FGGY: variants seen among roughly 807,000 people sequenced by gnomAD.
The protein encoded by FGGY is FGGY carbohydrate kinase domain-containing protein.
In FGGY, 72 loss-of-function variants were observed where a neutral mutation model predicts 71.3. That is an observed-to-expected ratio of 1.01 (90% CI 0.84 to 1.23). FGGY has a LOEUF of 1.23. Among genes scored for constraint, FGGY ranks in the 50% most tolerant of loss-of-function variants. The pLI is 0.00. For missense variants in FGGY, 668 were observed against 682.3 expected (o/e 0.98, Z 0.23); for synonymous variants, 251 against 250.3 (o/e 1.00, Z -0.02).
At chr1:59,444,727 T>C (rs1019713371) in intron 5 of FGGY, among the ~76,000 whole-genome samples, 2 of 152,114 alleles carry the variant, frequency 1.3e-5, no homozygotes, top group African/African-American at 2.4e-5. Context: ...GGGATCTAAG[T>C]TGCACGCTCC....
chr1:59,673,217 G>C (rs923007914), intron 13 of FGGY, among the ~76,000 whole-genome samples: 4 of 152,212 alleles, frequency 2.6e-5, no homozygotes, highest in African/African-American at 9.6e-5. Flanking sequence ...AGCAGTTAAG[G>C]GGGTAAGGAG....
At chr1:59,467,891 TTTTTGTTTTG>T (rs942165054) in intron 6 of FGGY, among the ~76,000 whole-genome samples, 1 of 145,270 alleles carries the variant, frequency 6.9e-6, no homozygotes, top group African/African-American at 2.5e-5. Context: ...TTTCTTGTTT[TTTTTGTTTTG>T]TTTTGTTTTG....
chr1:59,600,795 C>G (rs1033482257), intron 8 of FGGY, among the ~76,000 whole-genome samples: 2 of 152,064 alleles, frequency 1.3e-5, no homozygotes, highest in Non-Finnish European at 2.9e-5. Context: ...CAGAAATATC[C>G]AAGTTTGTCA....
intron 4 of FGGY, among the ~76,000 whole-genome samples, chr1:59,349,576 A>G (rs1213536359): frequency 1.3e-5 from 2 of 152,202 alleles, no homozygotes; most frequent in Non-Finnish European, 2.9e-5. Flanking sequence ...TCTAGATTAC[A>G]TGGCAGTGTT....
At chr1:59,310,950 T>G (rs1371817250) in intron 1 of FGGY, among the ~76,000 whole-genome samples, 1 of 152,216 alleles carries the variant, frequency 6.6e-6, no homozygotes, top group Admixed American at 6.5e-5. Context: ...ATTCCCCTTA[T>G]TACTACATTA....
chr1:59,532,438 A>G lies in FGGY; in HGVS notation c.799+19999A>G, dbSNP rs116509451. Among the ~76,000 whole-genome samples, 485 of 152,278 alleles carry G rather than the reference A, an allele frequency of 3.2e-3. 2 individuals carry two copies. The highest frequency in any genetic ancestry group is 0.011 in the African/African-American group (460 of 41,578). On this transcript the variant is annotated intron_variant, in intron 7 of 15. Coordinates refer to ENST00000303721, the MANE Select transcript of FGGY (RefSeq NM_018291.5). Reference sequence around the variant, plus strand: ...AGAGAAGAGAGATAATAAATCATACATAGAAGCTATATTTGAAGAGATATT... The same window carrying G: ...AGAGAAGAGAGATAATAAATCATACGTAGAAGCTATATTTGAAGAGATATT...
rs188283966 is a variant in FGGY at position 59,738,191 on chromosome 1, C to T, written c.1513-19740C>T. Reference sequence around the variant, plus strand: ...TGAAGAAAACGTTCTCACAGAAACTCCCAGCTGCAAACACAAAGAAGCAGC... The same window carrying T: ...TGAAGAAAACGTTCTCACAGAAACTTCCAGCTGCAAACACAAAGAAGCAGC... On this transcript the variant is annotated intron_variant, in intron 14 of 15. Transcript: ENST00000303721. Among the ~76,000 whole-genome samples the T allele has an allele frequency of 1.8e-3, 267 of 152,278 alleles. 3 individuals are homozygous for T. The highest frequency in any genetic ancestry group is 6.2e-3 in the African/African-American group (259 of 41,558).
intron 8 of FGGY, among the ~76,000 whole-genome samples, chr1:59,599,177 T>G (rs1298995886): frequency 6.6e-6 from 1 of 152,004 alleles, no homozygotes; most frequent in African/African-American, 2.4e-5. Context: ...GATCTTGGCT[T>G]ACTGTAACCT....
At position 59,456,942 on chromosome 1, in the gene FGGY, A is replaced by G. The variant is rs775203588; in HGVS notation, c.555-19A>G. On this transcript the variant is annotated intron_variant, in intron 5 of 15. Transcript: ENST00000303721. ...CACTCATATGGTCAGTTCTATCTAT[A>G]TCTCTTCTATTTTCTTAGGTCTCTC... 1.3e-6 allele frequency: 2 copies of G among 1,574,880 alleles called. No individual in the cohort carries two copies. Among genetic ancestry groups the G allele is most frequent in the Non-Finnish European group, 1.7e-6 (2 of 1,144,472 alleles).
chr1:59,600,779 C>T (rs2096569393), intron 8 of FGGY, among the ~76,000 whole-genome samples: 1 of 151,986 alleles, frequency 6.6e-6, no homozygotes, highest in Admixed American at 6.5e-5. Flanking sequence ...CAGCAAATGA[C>T]CTAACCAGAA....
chr1:59,662,564 G>A (rs190373943), intron 12 of FGGY, among the ~76,000 whole-genome samples: 20 of 152,212 alleles, frequency 1.3e-4, no homozygotes, highest in Middle Eastern at 6.8e-3. Context: ...GCTACATAAC[G>A]TTTTGGTTAA....
intron 7 of FGGY, among the ~76,000 whole-genome samples, chr1:59,553,308 T>G (rs1452760468): frequency 6.6e-6 from 1 of 152,194 alleles, no homozygotes; most frequent in Non-Finnish European, 1.5e-5. Context: ...ACACCTAGTA[T>G]ATATCGTTTT....
intron 14 of FGGY, among the ~76,000 whole-genome samples, chr1:59,686,825 A>G (rs1297546115): frequency 2.0e-5 from 3 of 152,220 alleles, no homozygotes; most frequent in Non-Finnish European, 2.9e-5. Flanking sequence ...ACTCATTTGT[A>G]TAAAAATAAG....
At chr1:59,370,279 G>A (rs2057364933) in intron 4 of FGGY, among the ~76,000 whole-genome samples, 1 of 152,194 alleles carries the variant, frequency 6.6e-6, no homozygotes, top group African/African-American at 2.4e-5. Context: ...AGAAGCCTCA[G>A]GAGACGATGC....
intron 6 of FGGY, among the ~76,000 whole-genome samples, chr1:59,509,527 C>G (rs926014012): frequency 2.6e-5 from 4 of 152,174 alleles, no homozygotes; most frequent in African/African-American, 9.7e-5. Flanking sequence ...ATCTGCCTCC[C>G]CAGCTTCCTC....
At chr1:59,682,151 G>A (rs1011697637) in intron 14 of FGGY, among the ~76,000 whole-genome samples, 4 of 152,108 alleles carry the variant, frequency 2.6e-5, no homozygotes, top group Admixed American at 6.6e-5. Context: ...GAGGAAACAG[G>A]GTTAGAGAGA....
intron 5 of FGGY, among the ~76,000 whole-genome samples, chr1:59,419,705 TA>T (rs1557864114): frequency 1.3e-5 from 2 of 152,190 alleles, no homozygotes; most frequent in African/African-American, 4.8e-5. Context: ...GATGAACTAC[TA>T]ATTGATGATT....
At chr1:59,459,809 A>G (rs2092019667) in intron 6 of FGGY, among the ~76,000 whole-genome samples, 1 of 152,216 alleles carries the variant, frequency 6.6e-6, no homozygotes, top group South Asian at 2.1e-4. Context: ...ATTCCTGGGA[A>G]AATCTCTTTG....
chr1:59,734,621 A>G (rs548557374), intron 14 of FGGY, among the ~76,000 whole-genome samples: 1 of 152,260 alleles, frequency 6.6e-6, no homozygotes, highest in Non-Finnish European at 1.5e-5. Context: ...GCATACATGC[A>G]TATAGACACA....
Sources: gnomAD v4.1 joint callset for allele counts (sites outside exome capture counted in the v4.1 genomes callset) on GRCh38, gnomAD v4.1.1 for gene constraint, MANE v1.5 for transcripts, NCBI Gene and HGNC (gene_info 2026-07-23, HGNC 2026-07-21) for gene names.